Variants in STARD13 observed in about 807,000 individuals in gnomAD.
STARD13 encodes the protein stAR-related lipid transfer protein 13.
In STARD13, 62 loss-of-function variants were observed where a neutral mutation model predicts 106.4. The ratio of observed to expected loss-of-function variants is 0.58; its 90% CI spans 0.48 to 0.72. The LOEUF is 0.72. Among genes scored for constraint, STARD13 ranks in the 30% least tolerant of loss-of-function variants. The pLI is 0.00. For missense variants in STARD13, 1,387 were observed against 1,424.0 expected, an observed-to-expected ratio of 0.97 and a Z score of 0.42; for synonymous variants, 565 against 553.0, an observed-to-expected ratio of 1.02 and a Z score of -0.31.
chr13:33,517,164 ACT>A, the STARD13 span, among the ~76,000 whole-genome samples: 3 of 151,968 alleles, frequency 2.0e-5, no homozygotes, highest in African/African-American at 7.2e-5. Context: ...TGAACTTTCA[ACT>A]CTGCATCATA....
intron 1 of STARD13, among the ~76,000 whole-genome samples, chr13:33,259,996 C>CAA (rs35410044): frequency 4.9e-4 from 50 of 101,964 alleles, no homozygotes; most frequent in African/African-American, 1.5e-3. Flanking sequence ...ATTCCATCTC[C>CAA]AAAAAAAAAA....
At chr13:33,488,698 A>T in the STARD13 span, among the ~76,000 whole-genome samples, 1 of 152,228 alleles carries the variant, frequency 6.6e-6, no homozygotes, top group African/African-American at 2.4e-5. Flanking sequence ...GGCACATGAA[A>T]TTGCCCTAAG....
the STARD13 span, among the ~76,000 whole-genome samples, chr13:33,621,482 C>G: frequency 6.6e-6 from 1 of 151,888 alleles, no homozygotes; most frequent in Non-Finnish European, 1.5e-5. Flanking sequence ...TCAAGACCAT[C>G]CTGGCTAACA....
At chr13:33,165,497 G>T in intron 2 of STARD13, 79 bp from the exon 3 acceptor site, 2 of 1,076,120 alleles carry the variant, frequency 1.9e-6, no homozygotes, top group South Asian at 1.3e-5. Flanking sequence ...TTCAAGGTCT[G>T]TAAAAGCCAC....
intron 1 of STARD13, among the ~76,000 whole-genome samples, chr13:33,197,005 T>C (rs547093031): frequency 2.6e-5 from 4 of 152,230 alleles, no homozygotes; most frequent in Non-Finnish European, 5.9e-5. Flanking sequence ...GATAGATATA[T>C]TGGGAGTACT....
At chr13:33,323,240 G>C (rs1048589211) in intron 1 of STARD13, among the ~76,000 whole-genome samples, 1 of 152,162 alleles carries the variant, frequency 6.6e-6, no homozygotes, top group African/African-American at 2.4e-5. Flanking sequence ...CCAAGTGCTT[G>C]CCTGATTCTG....
the STARD13 span, among the ~76,000 whole-genome samples, chr13:33,556,631 T>C: frequency 1.1e-3 from 169 of 152,320 alleles, 2 homozygotes; most frequent in African/African-American, 3.7e-3. Context: ...TAAAACTTAC[T>C]TTTATAAAAA....
chr13:33,129,595 C>G lies in STARD13; in HGVS notation c.1082G>C (p.Gly361Ala). Residue 361 changes from glycine (G) to alanine (A), a missense_variant, in exon 5 of 14, where the codon GGC becomes GCC. Coordinates refer to ENST00000336934, the MANE Select transcript of STARD13 (RefSeq NM_178006.4). ...CACATCTAGGTCCTCCAAGTACATG[C>G]CCCCGCGCTTGTTGGCCTCGTGGCA... is the stretch of plus-strand genomic sequence containing the variant. ...RKCHEANKRGGMYLEDLDVLA... is the reference protein window; with the variant it reads ...RKCHEANKRGAMYLEDLDVLA... The G allele has an allele frequency of 6.2e-7, 1 of 1,614,070 alleles. No homozygotes were observed. The highest frequency in any genetic ancestry group is 8.5e-7 in the Non-Finnish European group (1 of 1,180,036).
the STARD13 span, among the ~76,000 whole-genome samples, chr13:33,393,669 G>T: frequency 1.3e-5 from 2 of 152,132 alleles, no homozygotes; most frequent in Admixed American, 1.3e-4. Flanking sequence ...ACTACCAAAT[G>T]ACATTTACAT....
At chr13:33,633,574 G>A in the STARD13 span, among the ~76,000 whole-genome samples, 1 of 152,118 alleles carries the variant, frequency 6.6e-6, no homozygotes, top group South Asian at 2.1e-4. Context: ...TGAATGATTG[G>A]CATAACTTTT....
At chr13:33,650,497 A>G in the STARD13 span, among the ~76,000 whole-genome samples, 1 of 151,916 alleles carries the variant, frequency 6.6e-6, no homozygotes, top group Non-Finnish European at 1.5e-5. Flanking sequence ...GCCGACTCCA[A>G]TTTTTAAAAC....
At chr13:33,672,182 G>A in the STARD13 span, among the ~76,000 whole-genome samples, 1 of 152,192 alleles carries the variant, frequency 6.6e-6, no homozygotes, top group Non-Finnish European at 1.5e-5. Flanking sequence ...ATACTATGCA[G>A]CCATAAAAAA....
chr13:33,153,655 T>A (rs1881587359), intron 3 of STARD13, among the ~76,000 whole-genome samples: 1 of 152,174 alleles, frequency 6.6e-6, no homozygotes, highest in Non-Finnish European at 1.5e-5. Context: ...TTCTTTGTAG[T>A]TTAGATTCCC....
the STARD13 span, among the ~76,000 whole-genome samples, chr13:33,672,186 T>C: frequency 6.6e-6 from 1 of 152,224 alleles, no homozygotes; most frequent in East Asian, 1.9e-4. Context: ...TATGCAGCCA[T>C]AAAAAAGAAT....
At chr13:33,214,093 G>A (rs570082441) in intron 1 of STARD13, among the ~76,000 whole-genome samples, 7 of 152,158 alleles carry the variant, frequency 4.6e-5, no homozygotes, top group Non-Finnish European at 8.8e-5. Flanking sequence ...CATCACAAGC[G>A]ACTGTGCGAT....
the STARD13 span, among the ~76,000 whole-genome samples, chr13:33,479,398 C>G: frequency 6.6e-6 from 1 of 151,838 alleles, no homozygotes. Context: ...AATGCAGAGA[C>G]AAAAATGCAA....
In STARD13 at chr13:33,203,172, G is replaced by A. The variant is rs191430745; in HGVS notation, c.170-35550C>T. 3.1e-3 allele frequency among the ~76,000 whole-genome samples: 466 copies of A among 150,154 alleles called. 2 individuals are homozygous for A. The highest frequency in any genetic ancestry group is 2.6e-3 in the Non-Finnish European group (178 of 68,024). On this transcript the variant is annotated intron_variant, in intron 1 of 13. Coordinates refer to ENST00000336934, the MANE Select transcript of STARD13 (RefSeq NM_178006.4). ...GTGGCTCCCAAGGCTGCCATATTTCGAGATTCTAGGGGCCACCACACACCT... is the reference window on the plus strand; with the variant it reads ...GTGGCTCCCAAGGCTGCCATATTTCAAGATTCTAGGGGCCACCACACACCT...
the STARD13 span, among the ~76,000 whole-genome samples, chr13:33,665,864 T>C: frequency 6.6e-6 from 1 of 152,154 alleles, no homozygotes; most frequent in Non-Finnish European, 1.5e-5. Context: ...GCCATAACTT[T>C]TGATTAATGA....
chr13:33,140,210 A>G (rs557632951), intron 4 of STARD13, among the ~76,000 whole-genome samples: 1 of 152,282 alleles, frequency 6.6e-6, no homozygotes, highest in South Asian at 2.1e-4. Context: ...CAATCACTCC[A>G]CTGTGTGGAA....
Sources: gnomAD v4.1 joint callset for allele counts (sites outside exome capture counted in the v4.1 genomes callset) on GRCh38, gnomAD v4.1.1 for gene constraint, MANE v1.5 for transcripts, NCBI Gene and HGNC (gene_info 2026-07-23, HGNC 2026-07-21) for gene names.